IMMP2L: variants seen among roughly 807,000 people sequenced by gnomAD.
IMMP2L encodes the protein mitochondrial inner membrane protease subunit 2.
A neutral mutation model predicts 19.3 loss-of-function variants in IMMP2L; 18 were observed. That is an observed-to-expected ratio of 0.93 (90% confidence interval 0.64 to 1.38). The LOEUF is 1.38. Ranked by LOEUF, IMMP2L falls within the 40% of genes most tolerant of loss-of-function variation. IMMP2L has a pLI of 0.00. For missense variants in IMMP2L, 233 were observed against 218.2 expected (o/e 1.07, Z -0.43); for synonymous variants, 76 against 73.0 (o/e 1.04, Z -0.21).
intron 3 of IMMP2L, among the ~76,000 whole-genome samples, chr7:111,383,957 T>C (rs1354647416): frequency 6.6e-6 from 1 of 152,122 alleles, no homozygotes; most frequent in Admixed American, 6.6e-5. Context: ...ATATCTCAAT[T>C]AAGCACTTGG....
At chr7:111,005,361 C>A (rs1824182940) in intron 3 of IMMP2L, among the ~76,000 whole-genome samples, 1 of 152,156 alleles carries the variant, frequency 6.6e-6, no homozygotes, top group South Asian at 2.1e-4. Flanking sequence ...CCTATTGTTA[C>A]ATAAAGTAGC....
chr7:110,943,579 C>G (rs1816943548), intron 4 of IMMP2L, among the ~76,000 whole-genome samples: 1 of 151,900 alleles, frequency 6.6e-6, no homozygotes, highest in Non-Finnish European at 1.5e-5. Flanking sequence ...TTCTCCATCT[C>G]CCCTGAGACT....
At chr7:110,852,412 G>A (rs1265593435) in intron 5 of IMMP2L, among the ~76,000 whole-genome samples, 1 of 151,980 alleles carries the variant, frequency 6.6e-6, no homozygotes, top group South Asian at 2.1e-4. Context: ...CTAAGCCCAA[G>A]TCCTTGCAGG....
chr7:110,975,849 A>T (rs2129557262), intron 3 of IMMP2L, among the ~76,000 whole-genome samples: 1 of 152,290 alleles, frequency 6.6e-6, no homozygotes, highest in South Asian at 2.1e-4. Flanking sequence ...TATGTAAACT[A>T]ACAGTATATC....
At chr7:111,442,678 TG>T (rs1837865034) in intron 3 of IMMP2L, among the ~76,000 whole-genome samples, 1 of 151,840 alleles carries the variant, frequency 6.6e-6, no homozygotes, top group Non-Finnish European at 1.5e-5. Context: ...AAAAACACTC[TG>T]GTACAAATAA....
intron 3 of IMMP2L, among the ~76,000 whole-genome samples, chr7:111,112,073 G>C (rs1002170901): frequency 1.3e-5 from 2 of 148,806 alleles, no homozygotes; most frequent in African/African-American, 2.5e-5. Context: ...TCAGCCTCCC[G>C]AGTAGCTGGG....
intron 2 of IMMP2L, among the ~76,000 whole-genome samples, chr7:111,496,703 C>A (rs1843627629): frequency 6.6e-6 from 1 of 152,190 alleles, no homozygotes; most frequent in South Asian, 2.1e-4. Flanking sequence ...CTTGAACCAG[C>A]AGCCCCCAGG....
At chr7:110,952,837 T>A (rs1270027346) in intron 4 of IMMP2L, among the ~76,000 whole-genome samples, 8 of 152,152 alleles carry the variant, frequency 5.3e-5, no homozygotes, top group African/African-American at 1.9e-4. Flanking sequence ...GAGTTTAATA[T>A]AAAAAATATT....
chr7:110,999,139 A>AT (rs1188845481), intron 3 of IMMP2L, among the ~76,000 whole-genome samples: 1 of 151,836 alleles, frequency 6.6e-6, no homozygotes, highest in Non-Finnish European at 1.5e-5. Flanking sequence ...TTGTTAAGGC[A>AT]TTTTTTTCTT....
At chr7:111,381,664 A>C (rs1034121530) in intron 3 of IMMP2L, among the ~76,000 whole-genome samples, 1 of 151,974 alleles carries the variant, frequency 6.6e-6, no homozygotes, top group Non-Finnish European at 1.5e-5. Context: ...CAGAATATTA[A>C]GAATGGAGAA....
At chr7:110,798,289 A>G (rs1018325781) in intron 5 of IMMP2L, among the ~76,000 whole-genome samples, 2 of 152,106 alleles carry the variant, frequency 1.3e-5, no homozygotes, top group East Asian at 3.9e-4. Flanking sequence ...AAAATAATCA[A>G]CTAAGAGAAG....
chr7:110,670,705 CAAAA>C (rs1433574064), intron 5 of IMMP2L, among the ~76,000 whole-genome samples: 1 of 131,048 alleles, frequency 7.6e-6, no homozygotes. Context: ...AAAAAAAAAA[CAAAA>C]AAAACAAAAA....
intron 2 of IMMP2L, among the ~76,000 whole-genome samples, chr7:111,500,906 A>C (rs922602009): frequency 1.3e-5 from 2 of 152,198 alleles, no homozygotes; most frequent in Non-Finnish European, 2.9e-5. Context: ...AACTCTAAAA[A>C]GCAGAGTGCC....
At chr7:110,996,209 G>A (rs1006913620) in intron 3 of IMMP2L, among the ~76,000 whole-genome samples, 3 of 152,084 alleles carry the variant, frequency 2.0e-5, no homozygotes, top group African/African-American at 7.2e-5. Context: ...CGGAAAATCA[G>A]GGAAGTCCTC....
At chr7:111,422,399 G>C (rs936981063) in intron 3 of IMMP2L, among the ~76,000 whole-genome samples, 1 of 151,594 alleles carries the variant, frequency 6.6e-6, no homozygotes, top group Non-Finnish European at 1.5e-5. Context: ...CTATTTCATT[G>C]AGCAGTGGTT....
intron 3 of IMMP2L, among the ~76,000 whole-genome samples, chr7:111,094,247 A>G (rs972123771): frequency 1.3e-5 from 2 of 152,138 alleles, no homozygotes; most frequent in Admixed American, 6.6e-5. Flanking sequence ...TTCGTTTTAA[A>G]AAAACACTTA....
At chr7:111,031,559 A>T (rs2129568953) in intron 3 of IMMP2L, among the ~76,000 whole-genome samples, 1 of 152,316 alleles carries the variant, frequency 6.6e-6, no homozygotes, top group East Asian at 1.9e-4. Flanking sequence ...ATAAATATCC[A>T]CAAGCCTACA....
At chr7:111,148,543 A>C (rs987522821) in intron 3 of IMMP2L, among the ~76,000 whole-genome samples, 1 of 152,074 alleles carries the variant, frequency 6.6e-6, no homozygotes, top group African/African-American at 2.4e-5. Context: ...AAGTTGTTGT[A>C]AAAACATTTC....
intron 5 of IMMP2L, among the ~76,000 whole-genome samples, chr7:110,678,522 T>G (rs1792484136): frequency 6.6e-6 from 1 of 152,078 alleles, no homozygotes. Context: ...ATTGGCACCC[T>G]ACTAGATGCT....
Sources: allele counts gnomAD v4.1 joint callset (sites outside exome capture counted in the v4.1 genomes callset), GRCh38; gene constraint gnomAD v4.1.1; transcripts MANE v1.5; gene names NCBI Gene and HGNC (gene_info 2026-07-23, HGNC 2026-07-21).